The following PRR5L variants were observed in gnomAD, a reference collection of about 807,000 sequenced individuals.
The protein encoded by PRR5L is proline-rich protein 5-like.
A neutral mutation model predicts 36.4 loss-of-function variants in PRR5L; 21 were observed. The observed-to-expected ratio is 0.58, with a 90% CI of 0.41 to 0.83. The LOEUF is 0.83. Among genes scored for constraint, PRR5L ranks in the 40% least tolerant of loss-of-function variants. The pLI is 0.00. For synonymous variants in PRR5L, 188 were observed against 197.0 expected, an observed-to-expected ratio of 0.95 and a Z score of 0.38; for missense variants, 381 against 473.3, an observed-to-expected ratio of 0.80 and a Z score of 1.81.
intron 1 of PRR5L, among the ~76,000 whole-genome samples, chr11:36,351,653 ATATAAATATATATTTATATACT>A (rs1856969679): frequency 2.4e-4 from 1 of 4,174 alleles, no homozygotes; most frequent in Non-Finnish European, 4.0e-4. Context: ...TTATATATTT[ATATAAATATATATTTATATACT>A]TATATATTTA....
chr11:36,403,510 G>C (rs1857845750), intron 3 of PRR5L, 132 bp downstream of exon 3: 1 of 635,484 alleles, frequency 1.6e-6, no homozygotes, highest in Admixed American at 3.0e-5. Context: ...TCTTCTGTCA[G>C]CTATGCTGCT....
At chr11:36,342,514 T>C (rs1856827312) in intron 1 of PRR5L, among the ~76,000 whole-genome samples, 1 of 152,192 alleles carries the variant, frequency 6.6e-6, no homozygotes, top group African/African-American at 2.4e-5. Flanking sequence ...TCCACACTGA[T>C]CAGTTGTTTG....
chr11:36,397,270 T>G (rs1184239340), intron 1 of PRR5L, among the ~76,000 whole-genome samples: 1 of 151,250 alleles, frequency 6.6e-6, no homozygotes, highest in Non-Finnish European at 1.5e-5. Context: ...TTCACCGTGT[T>G]GGTCAGTCTG....
rs1857361791 is a variant in PRR5L, at chr11:36,381,195, ACCGTTCTCTC to A, written c.-125-19800_-125-19791del. ...CAAATGCCGGCAACACTTCCACTTTACCGTTCTCTCCTTACATTACCTATTACAGAACTTT... is the reference window on the plus strand; with the variant it reads ...CAAATGCCGGCAACACTTCCACTTTACTTACATTACCTATTACAGAACTTT... On this transcript the variant is annotated intron_variant, in intron 1 of 8. Transcript: ENST00000530639. 4.6e-5 allele frequency among the ~76,000 whole-genome samples: 7 copies of A among 152,116 alleles called. No homozygotes were observed. The South Asian group carries it at 1.5e-3, about 32-fold the overall frequency.
In PRR5L at chr11:36,415,622, C is replaced by T. The variant is rs555541270; in HGVS notation, c.246-3633C>T. On this transcript the variant is annotated intron_variant, in intron 3 of 8. Transcript: ENST00000530639. ...AGCCAGGAGCAGTGTTGCGCGCCTG[C>T]TCTCCCAGCTACTCAGGAGGCTGAG... is the stretch of plus-strand genomic sequence containing the variant. Among the ~76,000 whole-genome samples the T allele has an allele frequency of 3.1e-4, 47 of 152,314 alleles. 1 individual carries two copies. In the South Asian group the frequency reaches 9.1e-3, roughly 30 times the overall value.
At chr11:36,320,532 A>C (rs1856605174) in intron 1 of PRR5L, among the ~76,000 whole-genome samples, 1 of 152,104 alleles carries the variant, frequency 6.6e-6, no homozygotes, top group Non-Finnish European at 1.5e-5. Context: ...CCTGTGGCTT[A>C]TCTTTTTGTA....
chr11:36,456,318 G>A (rs1214928967), intron 8 of PRR5L, among the ~76,000 whole-genome samples: 4 of 152,184 alleles, frequency 2.6e-5, no homozygotes, highest in Non-Finnish European at 5.9e-5. Context: ...CCTTGGCCTT[G>A]CCTTGCTGTA....
At chr11:36,447,526 G>A (rs895030396) in intron 7 of PRR5L, among the ~76,000 whole-genome samples, 7 of 152,210 alleles carry the variant, frequency 4.6e-5, no homozygotes, top group African/African-American at 1.7e-4. Flanking sequence ...TGACTACTAT[G>A]CCTCTTCACC....
intron 1 of PRR5L, among the ~76,000 whole-genome samples, chr11:36,351,224 ATATT>A (rs1304247314): frequency 5.7e-4 from 48 of 83,734 alleles, no homozygotes; most frequent in African/African-American, 2.3e-3. Flanking sequence ...ATAAATATAT[ATATT>A]TATATATATT....
intron 4 of PRR5L, among the ~76,000 whole-genome samples, chr11:36,419,822 G>A (rs969478045): frequency 1.3e-5 from 2 of 152,130 alleles, no homozygotes; most frequent in African/African-American, 2.4e-5. Flanking sequence ...CTGTAAACTC[G>A]TGGAGAATGT....
intron 1 of PRR5L, among the ~76,000 whole-genome samples, chr11:36,340,024 C>T (rs1308935974): frequency 1.3e-5 from 2 of 152,200 alleles, no homozygotes; most frequent in South Asian, 2.1e-4. Flanking sequence ...CCTTACAGCA[C>T]AGTTGCTGCC....
At chr11:36,420,681 TTC>T (rs1241852655) in intron 4 of PRR5L, among the ~76,000 whole-genome samples, 3 of 152,188 alleles carry the variant, frequency 2.0e-5, no homozygotes, top group Non-Finnish European at 4.4e-5. Flanking sequence ...AGCAATGTTA[TTC>T]TGTGTCCAAA....
intron 1 of PRR5L, among the ~76,000 whole-genome samples, chr11:36,333,244 G>A (rs1856736775): frequency 6.6e-6 from 1 of 152,148 alleles, no homozygotes; most frequent in South Asian, 2.1e-4. Context: ...ACCAGGTATT[G>A]GGAAGATCTG....
At chr11:36,348,256 C>T (rs957352218) in intron 1 of PRR5L, among the ~76,000 whole-genome samples, 1 of 152,146 alleles carries the variant, frequency 6.6e-6, no homozygotes, top group African/African-American at 2.4e-5. Flanking sequence ...GCATGGCTTT[C>T]TCTGGGCCTT....
intron 6 of PRR5L, among the ~76,000 whole-genome samples, chr11:36,438,503 G>T (rs930029804): frequency 1.3e-5 from 2 of 152,128 alleles, no homozygotes; most frequent in Non-Finnish European, 2.9e-5. Context: ...TTCCATGTTA[G>T]ACCCACCCCA....
At chr11:36,396,130 A>G (rs1481494981) in intron 1 of PRR5L, 1 of 152,230 alleles carries the variant, frequency 6.6e-6, no homozygotes, top group Non-Finnish European at 1.5e-5. Context: ...AGAAAAAAGG[A>G]ATCTCCTGGC....
chr11:36,337,141 G>C (rs150630813), intron 1 of PRR5L, among the ~76,000 whole-genome samples: 1 of 152,080 alleles, frequency 6.6e-6, no homozygotes, highest in African/African-American at 2.4e-5. Flanking sequence ...TATTTGCCAC[G>C]GTCGCTGGGT....
chr11:36,354,804 G>A (rs1857009181), intron 1 of PRR5L, among the ~76,000 whole-genome samples: 1 of 152,060 alleles, frequency 6.6e-6, no homozygotes, highest in Admixed American at 6.6e-5. Context: ...GGAATCATAC[G>A]GTATGTGAAA....
chr11:36,374,770 T>C (rs1251942690), intron 1 of PRR5L, among the ~76,000 whole-genome samples: 1 of 152,206 alleles, frequency 6.6e-6, no homozygotes, highest in African/African-American at 2.4e-5. Context: ...ACTACTTTTA[T>C]CCCCATTTTC....
Sources: allele counts gnomAD v4.1 joint callset (sites outside exome capture counted in the v4.1 genomes callset), GRCh38; gene constraint gnomAD v4.1.1; transcripts MANE v1.5; gene names NCBI Gene and HGNC (gene_info 2026-07-23, HGNC 2026-07-21).